The following MTCH1 variants were observed in gnomAD, a reference collection of about 807,000 sequenced individuals.
The protein encoded by MTCH1 is mitochondrial carrier 1.
MTCH1 carries 23 observed loss-of-function variants against 49.3 expected under a neutral mutation model. The ratio of observed to expected loss-of-function variants is 0.47; its 90% CI spans 0.34 to 0.66. MTCH1 has a LOEUF of 0.66. Among genes scored for constraint, MTCH1 ranks in the 30% least tolerant of loss-of-function variants. MTCH1 has a pLI of 0.01. For synonymous variants in MTCH1, 229 were observed against 215.2 expected (o/e 1.06, Z -0.56); for missense variants, 397 against 532.1 (o/e 0.75, Z 2.50).
Position 36,970,050 on chromosome 6 carries a change from G to T in MTCH1, c.1087C>A (p.Leu363Met). The T allele has an allele frequency of 1.9e-6, 3 of 1,614,176 alleles. No homozygotes were observed. The highest frequency in any genetic ancestry group is 2.5e-6 in the Non-Finnish European group (3 of 1,180,026). ...FKSWIHCWKY[L>M]SVQGQLFRGS... ...CAGTGCTTGCTCACCTGCACACTCAGGTACTTCCAGCAGTGAATCCAGGAT... is the reference window on the plus strand; with the variant it reads ...CAGTGCTTGCTCACCTGCACACTCATGTACTTCCAGCAGTGAATCCAGGAT... Residue 363 changes from leucine (L) to methionine (M), a missense_variant, in exon 11 of 12, where the codon CTG becomes ATG. Around this residue, in one of 2 missense-constraint regions of MTCH1, gnomAD observed 252 missense variants for 388.3 expected, o/e 0.65. Coordinates refer to ENST00000373627, the MANE Select transcript of MTCH1 (RefSeq NM_001271641.2).
chr6:36,971,809 C>T (rs1463565000), intron 8 of MTCH1, among the ~76,000 whole-genome samples: 1 of 152,160 alleles, frequency 6.6e-6, no homozygotes, highest in African/African-American at 2.4e-5. Flanking sequence ...GAAGGAATGC[C>T]ATCCTTCTTG....
intron 6 of MTCH1, among the ~76,000 whole-genome samples, chr6:36,976,210 C>G (rs1481729702): frequency 6.6e-6 from 1 of 152,158 alleles, no homozygotes; most frequent in Admixed American, 6.5e-5. Flanking sequence ...GCACTGGAAC[C>G]AGCCTAGGAG....
At chr6:36,969,418 C>A (rs1003202660) in intron 11 of MTCH1, 5 of 1,064,032 alleles carry the variant, frequency 4.7e-6, no homozygotes, top group South Asian at 6.0e-5. Context: ...CATTTCACTG[C>A]GAGGCAAATC....
At chr6:36,969,038 G>A (rs1364653535) in intron 11 of MTCH1, 64 bp from the exon 12 acceptor site, 3 of 1,587,054 alleles carry the variant, frequency 1.9e-6, no homozygotes, top group East Asian at 2.2e-5. Context: ...CCTCCGAGAG[G>A]AAGGCCAGTG....
Position 36,978,462 on chromosome 6 carries a change from G to A in MTCH1, c.513+43C>T, listed in dbSNP as rs1352527649. 6 of 1,590,802 alleles carry A rather than the reference G, an allele frequency of 3.8e-6. No individual in the cohort carries two copies. The Admixed American group carries it at 1.0e-4, about 27-fold the overall frequency. Reference sequence around the variant, plus strand: ...CTGCTGCAGGGGTGGCTGGGAGTATGAGGAAACCTCGGGCGACTGTTCCTG... The same window carrying A: ...CTGCTGCAGGGGTGGCTGGGAGTATAAGGAAACCTCGGGCGACTGTTCCTG... On this transcript the variant is annotated intron_variant, in intron 3 of 11. Transcript: ENST00000373627.
At chr6:36,976,774 T>C (rs987911983) in intron 6 of MTCH1, among the ~76,000 whole-genome samples, 3 of 152,116 alleles carry the variant, frequency 2.0e-5, no homozygotes, top group African/African-American at 7.2e-5. Context: ...ATGGAAGGGA[T>C]GAGCCCCAAG....
At chr6:36,984,608 C>T (rs1339672985) in intron 1 of MTCH1, among the ~76,000 whole-genome samples, 1 of 152,024 alleles carries the variant, frequency 6.6e-6, no homozygotes, top group Non-Finnish European at 1.5e-5. Flanking sequence ...CTTCCTCCCC[C>T]CAAGCTTCTT....
At position 36,986,144 on chromosome 6, in the gene MTCH1, G is replaced by T. The variant is rs1199793055; in HGVS notation, c.30C>A (p.Pro10=). 2.4e-6 allele frequency: 3 copies of T among 1,253,666 alleles called. No homozygotes were observed. Among genetic ancestry groups the T allele is most frequent in the Non-Finnish European group, 3.1e-6 (3 of 962,552 alleles). The allele number at this position is 1,253,666 out of a possible 1,614,324, so 77.7% of individuals were successfully genotyped here. A position where few individuals can be genotyped will look rare whatever the true frequency, so the allele number is the denominator to read the frequency against. The change falls in exon 1 of 12, where the codon CCC becomes CCA. Residue 10 remains proline (P), a synonymous_variant. Transcript: ENST00000373627. MGASDPEVA[P]WARGGAAGMA... ...TCCCCGCGGCACCGCCGCGAGCCCA[G>T]GGCGCCACTTCCGGGTCCGAAGCTC... is the stretch of plus-strand genomic sequence containing the variant.
In MTCH1 at chr6:36,978,473, G is replaced by A. The variant is rs371876540; in HGVS notation, c.513+32C>T. 26 of 1,603,796 alleles carry A rather than the reference G, an allele frequency of 1.6e-5. No homozygotes were observed. The African/African-American group carries it at 2.0e-4, about 12-fold the overall frequency. ...GTGGCTGGGAGTATGAGGAAACCTC[G>A]GGCGACTGTTCCTGGCTTTGTGTGG... is the stretch of plus-strand genomic sequence containing the variant. On this transcript the variant is annotated intron_variant, in intron 3 of 11. Transcript: ENST00000373627.
Position 36,972,853 on chromosome 6 carries a change from G to T in MTCH1, c.762-57C>A. ...AGAGGGAGAGGAGCAGTTCCTGGGG[G>T]CTCCACACCCAGGAAGCAGGCAGGG... On this transcript the variant is annotated intron_variant, in intron 7 of 11. Coordinates refer to ENST00000373627, the MANE Select transcript of MTCH1 (RefSeq NM_001271641.2). This position sits in a 1 kb window ranked among gnomAD's most constrained non-coding sequence, Gnocchi z 4.1. 1 of 1,484,856 alleles carries T rather than the reference G, an allele frequency of 6.7e-7. No homozygotes were observed. The highest frequency in any genetic ancestry group is 9.1e-7 in the Non-Finnish European group (1 of 1,095,750). 92.0% of individuals were successfully genotyped at this position (1,484,856 alleles called of 1,614,324 possible).
In MTCH1 at chr6:36,986,014, G is replaced by C. The variant is rs1764297754; in HGVS notation, c.160C>G (p.Pro54Ala). Reference protein sequence around the residue: ...PPAHRAHPRHPRPAAQPSARR... With the variant: ...PPAHRAHPRHARPAAQPSARR... ...GCCGAGGGCTGAGCCGCAGGCCGAG[G>C]GTGGCGAGGATGTGCGCGGTGCGCG... Residue 54 changes from proline (P) to alanine (A), a missense_variant, in exon 1 of 12, where the codon CCT (proline) becomes GCT (alanine). Coordinates refer to ENST00000373627, the MANE Select transcript of MTCH1 (RefSeq NM_001271641.2). 1.3e-6 allele frequency: 2 copies of C among 1,527,714 alleles called. No homozygotes were observed. The highest frequency in any genetic ancestry group is 1.8e-6 in the Non-Finnish European group (2 of 1,139,886). 94.6% of individuals were successfully genotyped at this position (1,527,714 alleles called of 1,614,324 possible).
intron 7 of MTCH1, among the ~76,000 whole-genome samples, chr6:36,974,853 T>G (rs1440308225): frequency 6.6e-6 from 1 of 152,240 alleles, no homozygotes; most frequent in Non-Finnish European, 1.5e-5. Context: ...CAGCGGATAC[T>G]GTTGTATACC....
In MTCH1 at chr6:36,968,578, C is replaced by G; in HGVS notation, c.*325G>C. The G allele has an allele frequency of 2.5e-6, 1 of 407,046 alleles. No homozygotes were observed. The highest frequency in any genetic ancestry group is 4.8e-6 in the Non-Finnish European group (1 of 206,620). The allele number at this position is 407,046 out of a possible 1,614,324, so 25.2% of individuals were successfully genotyped here. ...GGGGTCTGACCCCATTAGCCTTTCC[C>G]CATCCAACCTGGGCCCCCATAAGCC... On this transcript the variant is annotated 3_prime_UTR_variant, in exon 12 of 12. Transcript: ENST00000373627.
At chr6:36,975,807 C>T in intron 6 of MTCH1, 90 bp from the exon 7 acceptor site, 1 of 1,206,924 alleles carries the variant, frequency 8.3e-7, no homozygotes, top group Non-Finnish European at 1.2e-6. Flanking sequence ...ACCAGTTCTG[C>T]TCAAATCCAG....
At chr6:36,970,744 A>G (rs779679732) in intron 8 of MTCH1, 50 bp from the exon 9 acceptor site, 3 of 1,581,410 alleles carry the variant, frequency 1.9e-6, no homozygotes, top group Non-Finnish European at 2.6e-6. Context: ...CTCAGGATGC[A>G]GACTTCAGCA....
intron 2 of MTCH1, 64 bp from the exon 3 acceptor site, chr6:36,978,675 C>T: frequency 7.0e-7 from 1 of 1,424,942 alleles, no homozygotes; most frequent in Non-Finnish European, 9.8e-7. Context: ...TCCTGGGTCA[C>T]ACACACCCAG....
intron 1 of MTCH1, among the ~76,000 whole-genome samples, chr6:36,983,625 G>A (rs2150754018): frequency 6.6e-6 from 1 of 152,236 alleles, no homozygotes; most frequent in East Asian, 1.9e-4. Flanking sequence ...TGTTAACCCA[G>A]TCCTAACTAC....
upstream of MTCH1, chr6:36,986,345 G>C: frequency 5.7e-6 from 3 of 522,312 alleles, no homozygotes; most frequent in Admixed American, 1.4e-4. Flanking sequence ...GGCCTAGCAG[G>C]ACACTGGGCT....
chr6:36,975,892 TGAG>T lies in MTCH1; in HGVS notation c.702-178_702-176del, dbSNP rs1366773429. Among the ~76,000 whole-genome samples the T allele has an allele frequency of 4.6e-5, 7 of 151,958 alleles. No individual in the cohort carries two copies. The East Asian group carries it at 1.2e-3, about 25-fold the overall frequency. ...AAAGGCAAAGAGCGCTTGTTCAGGG[TGAG>T]GAGGAGTTTACACAGTTCATGGAGA... is the stretch of plus-strand genomic sequence containing the variant. On this transcript the variant is annotated intron_variant, in intron 6 of 11. Transcript: ENST00000373627.
Sources: gnomAD v4.1 joint callset for allele counts (sites outside exome capture counted in the v4.1 genomes callset) on GRCh38, gnomAD v4.1.1 for gene constraint, gnomAD v4.1.1 regional missense constraint, Gnocchi (gnomAD v3.1) non-coding constraint, MANE v1.5 for transcripts, NCBI Gene and HGNC (gene_info 2026-07-23, HGNC 2026-07-21) for gene names.